PTPRM: variants seen among roughly 807,000 people sequenced by gnomAD.
PTPRM encodes protein tyrosine phosphatase receptor type M.
Under a neutral mutation model 186.7 loss-of-function variants are expected in PTPRM, and 47 were observed. The ratio of observed to expected loss-of-function variants is 0.25; its 90% CI spans 0.20 to 0.32. The LOEUF (loss-of-function observed/expected upper bound fraction) is 0.32, where lower values mean the gene tolerates loss of function less well. Ranked by LOEUF, PTPRM falls within the 10% of genes least tolerant of loss-of-function variation. The pLI is 1.00. For synonymous variants in PTPRM, 668 were observed against 674.9 expected (o/e 0.99, Z 0.16); for missense variants, 1,494 against 1,865.0 (o/e 0.80, Z 3.66).
chr18:7,646,788 A>G (rs1396576943), intron 1 of PTPRM, among the ~76,000 whole-genome samples: 3 of 152,158 alleles, frequency 2.0e-5, no homozygotes, highest in South Asian at 2.1e-4. Flanking sequence ...CCGCTCCTTC[A>G]TACTGTGACA....
chr18:7,654,996 G>T (rs1478020720), intron 1 of PTPRM, among the ~76,000 whole-genome samples: 1 of 152,052 alleles, frequency 6.6e-6, no homozygotes, highest in East Asian at 1.9e-4. Flanking sequence ...GAATGTCAGT[G>T]GTAGTTTACT....
intron 2 of PTPRM, among the ~76,000 whole-genome samples, chr18:7,790,256 G>C (rs913485931): frequency 6.6e-6 from 1 of 152,072 alleles, no homozygotes; most frequent in Admixed American, 6.5e-5. Context: ...CAGTAGATAC[G>C]AACAATATTT....
At chr18:8,136,262 G>A (rs2092636245) in intron 13 of PTPRM, among the ~76,000 whole-genome samples, 1 of 152,130 alleles carries the variant, frequency 6.6e-6, no homozygotes, top group Non-Finnish European at 1.5e-5. Flanking sequence ...TTGACAGTTT[G>A]TTTCCCTATT....
intron 1 of PTPRM, among the ~76,000 whole-genome samples, chr18:7,687,228 T>C (rs1405707036): frequency 6.6e-6 from 1 of 152,196 alleles, no homozygotes; most frequent in Non-Finnish European, 1.5e-5. Context: ...CAGAATTCTA[T>C]ACTTAAAATA....
intron 14 of PTPRM, among the ~76,000 whole-genome samples, chr18:8,149,996 G>T (rs2092969635): frequency 6.6e-6 from 1 of 152,194 alleles, no homozygotes; most frequent in South Asian, 2.1e-4. Flanking sequence ...CTGACTTGTA[G>T]GGTTTCTGCA....
intron 14 of PTPRM, among the ~76,000 whole-genome samples, chr18:8,238,047 T>C (rs1423471401): frequency 1.3e-5 from 2 of 152,212 alleles, no homozygotes; most frequent in African/African-American, 4.8e-5. Context: ...CTTGGTGTTC[T>C]TTGAGCTTCC....
intron 2 of PTPRM, among the ~76,000 whole-genome samples, chr18:7,883,001 TTGGGGAAACCAAAA>T (rs1439409482): frequency 3.9e-5 from 6 of 152,248 alleles, no homozygotes. Flanking sequence ...GTTTTCCTTT[TTGGGGAAACCAAAA>T]TAATTATTCT....
chr18:7,922,102 T>C (rs2050899721), intron 4 of PTPRM, among the ~76,000 whole-genome samples: 1 of 152,194 alleles, frequency 6.6e-6, no homozygotes, highest in African/African-American at 2.4e-5. Flanking sequence ...TTTTTGGCAC[T>C]AGATGACACC....
intron 2 of PTPRM, among the ~76,000 whole-genome samples, chr18:7,837,973 G>A (rs887205610): frequency 6.6e-6 from 1 of 152,112 alleles, no homozygotes; most frequent in Non-Finnish European, 1.5e-5. Flanking sequence ...GGGTGTTATG[G>A]TCTAAGCTGT....
intron 1 of PTPRM, among the ~76,000 whole-genome samples, chr18:7,724,217 A>G (rs1176858271): frequency 1.3e-5 from 2 of 152,122 alleles, no homozygotes; most frequent in Admixed American, 6.5e-5. Context: ...TTTTTTCTCA[A>G]AATTCTTGTA....
chr18:8,301,767 A>G (rs2095160275), intron 20 of PTPRM, among the ~76,000 whole-genome samples: 1 of 152,256 alleles, frequency 6.6e-6, no homozygotes, highest in African/African-American at 2.4e-5. Flanking sequence ...TGCTGAGTGC[A>G]GGGTGTCAAC....
intron 7 of PTPRM, among the ~76,000 whole-genome samples, chr18:8,041,943 G>T (rs1056163842): frequency 1.3e-5 from 2 of 152,206 alleles, no homozygotes; most frequent in African/African-American, 2.4e-5. Context: ...AAAAACTGCT[G>T]CCAGCTTTTT....
chr18:8,397,065 C>T (rs1200955941), intron 32 of PTPRM, among the ~76,000 whole-genome samples: 1 of 152,210 alleles, frequency 6.6e-6, no homozygotes, highest in Non-Finnish European at 1.5e-5. Context: ...GTGCCAGCAG[C>T]TGAAAAGAGC....
chr18:8,009,552 A>G (rs2084392541), intron 7 of PTPRM, among the ~76,000 whole-genome samples: 1 of 152,086 alleles, frequency 6.6e-6, no homozygotes, highest in Admixed American at 6.5e-5. Flanking sequence ...TACTAAAAAT[A>G]CAAAAATTAG....
intron 1 of PTPRM, among the ~76,000 whole-genome samples, chr18:7,735,780 C>T (rs1036369969): frequency 1.3e-5 from 2 of 152,018 alleles, no homozygotes; most frequent in African/African-American, 2.4e-5. Flanking sequence ...TACTGGGAGT[C>T]CTCATCTAAT....
At chr18:7,719,718 G>A (rs1382303286) in intron 1 of PTPRM, among the ~76,000 whole-genome samples, 1 of 152,076 alleles carries the variant, frequency 6.6e-6, no homozygotes, top group African/African-American at 2.4e-5. Context: ...TGTGTTCATT[G>A]CTGTTTAATA....
chr18:8,113,551 A>G lies in PTPRM; in HGVS notation c.1922A>G (p.Lys641Arg). The stretch of plus-strand genomic sequence containing the variant: ...ACTAAAAAGACGACAGAAATCTTAA[A>G]GTGCTACCCAGTGCCAATTCACTTC... ...RRTKKTTEIL[K>R]CYPVPIHFQN... is the part of the protein sequence containing the mutation. Residue 641 changes from lysine to arginine, a missense_variant, in exon 12 of 33, where the codon AAG becomes AGG. By Grantham distance (26) the Lys-to-Arg change is conservative. This residue lies in a region of PTPRM where 1,107 missense variants were observed against 1,350.2 expected (regional missense o/e 0.82). Transcript: ENST00000580170. 6.2e-7 allele frequency: 1 copy of G among 1,613,764 alleles called. No individual in the cohort carries two copies. Among genetic ancestry groups the G allele is most frequent in the Non-Finnish European group, 8.5e-7 (1 of 1,179,646 alleles).
At chr18:7,977,570 A>G (rs190037359) in intron 7 of PTPRM, among the ~76,000 whole-genome samples, 105 of 152,282 alleles carry the variant, frequency 6.9e-4, no homozygotes, top group Middle Eastern at 6.8e-3. Flanking sequence ...TAAGAAAGAT[A>G]ATGTCTCTCT....
rs187799411 is a variant in PTPRM, at chr18:7,845,817, T to G, written c.197-42289T>G. Among the ~76,000 whole-genome samples, 667 of 152,260 alleles carry G rather than the reference T, an allele frequency of 4.4e-3. 6 individuals carry two copies. Among genetic ancestry groups the G allele is most frequent in the Non-Finnish European group, 7.1e-3 (485 of 68,020 alleles). On this transcript the variant is annotated intron_variant, in intron 2 of 32. Coordinates refer to ENST00000580170, the MANE Select transcript of PTPRM (RefSeq NM_001105244.2). ...AGGTGGGATTCCCTGGGAAGCCAAC[T>G]CCAAGGTGCAGATTAGCATACAGGA...
Sources: gnomAD v4.1 joint callset for allele counts (sites outside exome capture counted in the v4.1 genomes callset) on GRCh38, gnomAD v4.1.1 for gene constraint, gnomAD v4.1.1 regional missense constraint, MANE v1.5 for transcripts, NCBI Gene and HGNC (gene_info 2026-07-23, HGNC 2026-07-21) for gene names.